Variants in KYNU observed in about 807,000 individuals in gnomAD.
The protein encoded by KYNU is L-kynurenine hydrolase.
Under a neutral mutation model 59.2 loss-of-function variants are expected in KYNU, and 54 were observed. The ratio of observed to expected loss-of-function variants is 0.91; its 90% CI spans 0.73 to 1.14. KYNU has a LOEUF of 1.14. KYNU is among the 50% of genes most tolerant of loss of function. KYNU has a pLI of 0.00. For synonymous variants in KYNU, 177 were observed against 192.0 expected (o/e 0.92, Z 0.65); for missense variants, 567 against 554.4 (o/e 1.02, Z -0.23).
At chr2:142,917,930 G>A (rs963378498) in intron 2 of KYNU, among the ~76,000 whole-genome samples, 5 of 152,132 alleles carry the variant, frequency 3.3e-5, no homozygotes, top group Non-Finnish European at 5.9e-5. Flanking sequence ...AAACTCAGTA[G>A]TTTACAAATG....
At chr2:142,899,540 G>A (rs972893412) in intron 2 of KYNU, among the ~76,000 whole-genome samples, 1 of 152,100 alleles carries the variant, frequency 6.6e-6, no homozygotes, top group African/African-American at 2.4e-5. Flanking sequence ...GAAGTTGGCC[G>A]AACAACGCTC....
At chr2:142,903,862 T>G (rs1682193442) in intron 2 of KYNU, among the ~76,000 whole-genome samples, 1 of 152,224 alleles carries the variant, frequency 6.6e-6, no homozygotes, top group African/African-American at 2.4e-5. Context: ...TAGATCGCAC[T>G]GGAAGCAAGC....
intron 1 of KYNU, among the ~76,000 whole-genome samples, chr2:142,882,241 T>A (rs1223212795): frequency 6.6e-6 from 1 of 152,140 alleles, no homozygotes; most frequent in African/African-American, 2.4e-5. Flanking sequence ...CACACTCTTC[T>A]CTCTACCTTT....
chr2:142,986,566 T>C (rs1029994007), intron 10 of KYNU, among the ~76,000 whole-genome samples: 2 of 151,940 alleles, frequency 1.3e-5, no homozygotes, highest in Non-Finnish European at 2.9e-5. Context: ...GTAATACTTT[T>C]CTGTTTTATA....
At position 142,927,644 on chromosome 2, in the gene KYNU, C is replaced by T. The variant is rs773991442; in HGVS notation, c.291-15C>T. On this transcript the variant is annotated splice_polypyrimidine_tract_variant and intron_variant, in intron 3 of 13. Transcript: ENST00000264170. ...ATAAAAGCTAAGATATGTTTATGTCCGTTTTCAATTTCAGAGCAGCCTATG... is the reference window on the plus strand; with the variant it reads ...ATAAAAGCTAAGATATGTTTATGTCTGTTTTCAATTTCAGAGCAGCCTATG... The T allele has an allele frequency of 1.3e-5, 20 of 1,597,220 alleles. No homozygotes were observed. The highest frequency in any genetic ancestry group is 1.2e-4 in the Admixed American group (7 of 59,978).
chr2:143,023,840 A>G (rs1686475791), intron 10 of KYNU, among the ~76,000 whole-genome samples: 1 of 151,900 alleles, frequency 6.6e-6, no homozygotes, highest in Non-Finnish European at 1.5e-5. Context: ...ATGTTGAAAG[A>G]CTTTTTAAAA....
chr2:142,883,780 T>C (rs1462036622), intron 1 of KYNU, among the ~76,000 whole-genome samples: 1 of 152,206 alleles, frequency 6.6e-6, no homozygotes, highest in East Asian at 1.9e-4. Context: ...TCCTCATAGC[T>C]CTTAAGTCTG....
At chr2:142,903,136 A>C (rs575440701) in intron 2 of KYNU, among the ~76,000 whole-genome samples, 1 of 152,156 alleles carries the variant, frequency 6.6e-6, no homozygotes, top group South Asian at 2.1e-4. Context: ...TGCAGGGGCT[A>C]TTGCATGGTT....
intron 2 of KYNU, among the ~76,000 whole-genome samples, chr2:142,903,624 C>T (rs550652030): frequency 2.6e-5 from 4 of 152,114 alleles, no homozygotes; most frequent in Admixed American, 6.5e-5. Flanking sequence ...AACCTCCTGG[C>T]CCTCAATGGT....
At chr2:143,019,877 G>C (rs181595775) in intron 10 of KYNU, among the ~76,000 whole-genome samples, 47 of 152,048 alleles carry the variant, frequency 3.1e-4, no homozygotes, top group Admixed American at 7.9e-4. Context: ...TGTGCATCCA[G>C]GAATTTATTA....
rs1053934564 is a variant in KYNU, at chr2:143,050,192, C to T, written c.*8020C>T. On this transcript the variant is annotated 3_prime_UTR_variant, in exon 14 of 14. Coordinates refer to ENST00000264170, the MANE Select transcript of KYNU (RefSeq NM_003937.3). ...CAATTGTATTTTTTAAAAATTTCTT[C>T]TAAAGAAAACCAGGATACATGTGCA... is the stretch of plus-strand genomic sequence containing the variant. 1.4e-4 allele frequency: 21 copies of T among 151,328 alleles called. No individual in the cohort carries two copies. Among genetic ancestry groups the T allele is most frequent in the African/African-American group, 4.8e-4 (20 of 41,288 alleles). 9.4% of individuals were successfully genotyped at this position (151,328 alleles called of 1,614,324 possible).
At chr2:143,026,051 T>C (rs1168316868) in intron 10 of KYNU, among the ~76,000 whole-genome samples, 3 of 152,208 alleles carry the variant, frequency 2.0e-5, no homozygotes, top group Non-Finnish European at 1.5e-5. Context: ...AAACTTTCTT[T>C]GATGCAACAA....
intron 2 of KYNU, among the ~76,000 whole-genome samples, chr2:142,900,329 A>T (rs902842928): frequency 6.6e-6 from 1 of 152,218 alleles, no homozygotes; most frequent in African/African-American, 2.4e-5. Context: ...AGCTCAGGTC[A>T]AGCCGTAACA....
chr2:142,910,943 C>T (rs951162957), intron 2 of KYNU, among the ~76,000 whole-genome samples: 2 of 151,990 alleles, frequency 1.3e-5, no homozygotes, highest in Non-Finnish European at 2.9e-5. Context: ...ATGTTTTGGT[C>T]CCAGTACCAT....
At chr2:142,967,427 T>A (rs1315595108) in intron 8 of KYNU, 1 of 152,116 alleles carries the variant, frequency 6.6e-6, no homozygotes, top group African/African-American at 2.4e-5. Context: ...TTTGTTTGGG[T>A]GCAAACGTCT....
chr2:142,900,169 GAAC>G (rs1303455185), intron 2 of KYNU, among the ~76,000 whole-genome samples: 1 of 152,218 alleles, frequency 6.6e-6, no homozygotes, highest in Non-Finnish European at 1.5e-5. Context: ...AGCCGTGCAG[GAAC>G]AATGGCAAGC....
chr2:143,049,032 G>A lies in KYNU; in HGVS notation c.*6860G>A, dbSNP rs983639295. On this transcript the variant is annotated 3_prime_UTR_variant, in exon 14 of 14. Coordinates refer to ENST00000264170, the MANE Select transcript of KYNU (RefSeq NM_003937.3). ...TTTATTTGCTGTCTATCCAAGATTT[G>A]AGGATTAATTTTTTAATTTCTAGAA... The A allele has an allele frequency of 1.3e-5, 2 of 152,124 alleles. No homozygotes were observed. Among genetic ancestry groups the A allele is most frequent in the East Asian group, 3.9e-4 (2 of 5,192 alleles). The allele number at this position is 152,124 out of a possible 1,614,324, so 9.4% of individuals were successfully genotyped here. A position where few individuals can be genotyped will look rare whatever the true frequency, so the allele number is the denominator to read the frequency against.
intron 10 of KYNU, among the ~76,000 whole-genome samples, chr2:142,993,753 A>AT (rs968813230): frequency 3.3e-5 from 5 of 152,028 alleles, no homozygotes; most frequent in African/African-American, 1.2e-4. Context: ...AATAATCTGT[A>AT]TTTTTTTAAC....
chr2:142,986,022 G>T lies in KYNU; in HGVS notation c.902+1G>T, dbSNP rs754953201. On this transcript the variant is annotated splice_donor_variant, in intron 10 of 13. Coordinates refer to ENST00000264170, the MANE Select transcript of KYNU (RefSeq NM_003937.3). LOFTEE classifies it high-confidence loss of function. Reference sequence around the variant, plus strand: ...AGCATGCCCATACGATTAAACCTGCGTGAGTACCATCTTCAGCTAATTCTT... The same window carrying T: ...AGCATGCCCATACGATTAAACCTGCTTGAGTACCATCTTCAGCTAATTCTT... 17 of 1,603,920 alleles carry T rather than the reference G, an allele frequency of 1.1e-5. No individual in the cohort carries two copies. The highest frequency in any genetic ancestry group is 1.7e-4 in the Middle Eastern group (1 of 6,030).
Sources: gnomAD v4.1 joint callset for allele counts (sites outside exome capture counted in the v4.1 genomes callset) on GRCh38, gnomAD v4.1.1 for gene constraint, MANE v1.5 for transcripts, NCBI Gene and HGNC (gene_info 2026-07-23, HGNC 2026-07-21) for gene names.